PET100: variants seen among roughly 807,000 people sequenced by gnomAD.
The protein encoded by PET100 is protein PET100 homolog, mitochondrial.
PET100 carries 13 observed loss-of-function variants against 13.6 expected under a neutral mutation model. That is an observed-to-expected ratio of 0.96 (90% CI 0.62 to 1.52). PET100 has a LOEUF of 1.52. Among genes scored for constraint, PET100 ranks in the 40% most tolerant of loss-of-function variants. The probability of loss-of-function intolerance (pLI) is 0.00; values close to 1 mark genes in which losing one functional copy is unlikely to be tolerated. For missense variants in PET100, 94 were observed against 95.3 expected, an observed-to-expected ratio of 0.99 and a Z score of 0.06; for synonymous variants, 28 against 30.8, an observed-to-expected ratio of 0.91 and a Z score of 0.30.
chr19:7,630,569 C>A lies in PET100; in HGVS notation c.28-4C>A, dbSNP rs759982742. ...CTCACCTCACCCACCCTCTGCCATT[C>A]CAGATGATAATCTACCTCACTTTCC... On this transcript the variant is annotated splice_region_variant and splice_polypyrimidine_tract_variant and intron_variant, in intron 1 of 3. Coordinates refer to ENST00000594797, the MANE Select transcript of PET100 (RefSeq NM_001171155.2). 2 of 1,536,132 alleles carry A rather than the reference C, an allele frequency of 1.3e-6. No individual in the cohort carries two copies. Among genetic ancestry groups the A allele is most frequent in the South Asian group, 2.4e-5 (2 of 84,040 alleles).
rs11880573 is a variant in PET100 at position 7,630,288 on chromosome 19, C to A, written c.28-285C>A. ...CTTAAGTGGGGATGGGTAATGAGGTCTCGAGGAGATGCTTTTGATTGTAGC... is the reference window on the plus strand; with the variant it reads ...CTTAAGTGGGGATGGGTAATGAGGTATCGAGGAGATGCTTTTGATTGTAGC... On this transcript the variant is annotated intron_variant, in intron 1 of 3. Coordinates refer to ENST00000594797, the MANE Select transcript of PET100 (RefSeq NM_001171155.2). 515 of 516,800 alleles carry A rather than the reference C, an allele frequency of 1.0e-3. 1 individual carries two copies. Among genetic ancestry groups the A allele is most frequent in the African/African-American group, 9.0e-3 (474 of 52,414 alleles). The allele number at this position is 516,800 out of a possible 1,614,324, so 32.0% of individuals were successfully genotyped here.
intron 3 of PET100, 96 bp downstream of exon 3, chr19:7,630,942 G>T: frequency 2.8e-6 from 4 of 1,444,094 alleles, no homozygotes; most frequent in Non-Finnish European, 3.8e-6. Context: ...AGGCGCAGTG[G>T]CTCATGCTTG....
Position 7,629,841 on chromosome 19 carries a change from T to A in PET100, c.8T>A (p.Val3Glu), listed in dbSNP as rs567171903. MG[V>E]KLEIFRMIIY... is the part of the protein sequence containing the mutation. ...TTGACCGGGAGAAACGAGATGGGGG[T>A]GAAGCTGGAGATATTTCGGGTCAGT... Residue 3 changes from valine to glutamate, a missense_variant, in exon 1 of 4, where the codon GTG becomes GAG. Coordinates refer to ENST00000594797, the MANE Select transcript of PET100 (RefSeq NM_001171155.2). The A allele has an allele frequency of 2.6e-6, 4 of 1,535,576 alleles. No homozygotes were observed. Among genetic ancestry groups the A allele is most frequent in the Admixed American group, 2.0e-5 (1 of 50,668 alleles).
chr19:7,629,963 A>C (rs2031237847), intron 1 of PET100, 103 bp downstream of exon 1: 1 of 1,319,010 alleles, frequency 7.6e-7, no homozygotes, highest in Non-Finnish European at 1.0e-6. Context: ...GGGAGCTCCA[A>C]GGAGAAAGCT....
At chr19:7,630,535 T>TG in intron 1 of PET100, 38 bp from the exon 2 acceptor site, 1 of 1,464,052 alleles carries the variant, frequency 6.8e-7, no homozygotes, top group South Asian at 1.2e-5. Context: ...GCACATTGCT[T>TG]GGGGGGAGCT....
intron 3 of PET100, 90 bp downstream of exon 3, chr19:7,630,936 G>A (rs1026780846): frequency 2.9e-5 from 43 of 1,469,248 alleles, no homozygotes; most frequent in Non-Finnish European, 3.8e-5. Context: ...TAGGCCAGGC[G>A]CAGTGGCTCA....
In PET100 at chr19:7,631,494, A is replaced by C. The variant is rs1003505006; in HGVS notation, c.160A>C (p.Lys54Gln). ...PEKLQEIEEF[K>Q]ERLRKRREEK... ...CTAGCTTCAAGAGATAGAGGAATTCAAAGAGAGGTTACGGAAGCGGCGGGA... is the reference window on the plus strand; with the variant it reads ...CTAGCTTCAAGAGATAGAGGAATTCCAAGAGAGGTTACGGAAGCGGCGGGA... The change falls in exon 4 of 4, where the codon AAA (lysine) becomes CAA (glutamine). Residue 54 changes from lysine to glutamine, a missense_variant. Lys to Gln is a moderately conservative substitution (Grantham distance 53, BLOSUM62 1). Coordinates refer to ENST00000594797, the MANE Select transcript of PET100 (RefSeq NM_001171155.2). 1 of 1,536,516 alleles carries C rather than the reference A, an allele frequency of 6.5e-7. No individual in the cohort carries two copies. Among genetic ancestry groups the C allele is most frequent in the Admixed American group, 2.0e-5 (1 of 50,956 alleles).
rs2031277202 is a variant in PET100 at position 7,631,171 on chromosome 19, T to A, written c.139-302T>A. ...TGCAGTGAGCCCAAGATCACGCCAC[T>A]GCACTCCAGCCTGGGCAATAGAGTG... is the stretch of plus-strand genomic sequence containing the variant. On this transcript the variant is annotated intron_variant, in intron 3 of 3. Transcript: ENST00000594797. The A allele has an allele frequency of 5.1e-6, 6 of 1,184,850 alleles. No individual in the cohort carries two copies. In the South Asian group the frequency reaches 1.0e-4, roughly 20 times the overall value. 73.4% of individuals were successfully genotyped at this position (1,184,850 alleles called of 1,614,324 possible).
Position 7,630,427 on chromosome 19 carries a change from G to C in PET100, c.28-146G>C, listed in dbSNP as rs541940076. 6.0e-6 allele frequency: 4 copies of C among 661,508 alleles called. No homozygotes were observed. The Admixed American group carries it at 1.0e-4, about 17-fold the overall frequency. 41.0% of individuals were successfully genotyped at this position (661,508 alleles called of 1,614,324 possible). A position where few individuals can be genotyped will look rare whatever the true frequency, so the allele number is the denominator to read the frequency against. ...TTAGGTTTTAGGGTGCGAGGTTTCTGTACCCTTGGTGGGAGTTCTGGGATT... is the reference window on the plus strand; with the variant it reads ...TTAGGTTTTAGGGTGCGAGGTTTCTCTACCCTTGGTGGGAGTTCTGGGATT... On this transcript the variant is annotated intron_variant, in intron 1 of 3. Transcript: ENST00000594797.
intron 1 of PET100, chr19:7,630,304 T>C (rs919402277): frequency 5.3e-5 from 28 of 529,246 alleles, no homozygotes; most frequent in East Asian, 1.9e-4. Flanking sequence ...GAGATGCTTT[T>C]GATTGTAGCT....
Position 7,631,757 on chromosome 19 carries a change from G to T in PET100, c.*201G>T. ...AAGCCGAGAGCGGTCGGGTCCTGAG[G>T]GGTGAGCAGGGGTTGGGGACTGAGG... On this transcript the variant is annotated 3_prime_UTR_variant, in exon 4 of 4. Transcript: ENST00000594797. 7.0e-7 allele frequency: 1 copy of T among 1,431,882 alleles called. No individual in the cohort carries two copies. The allele number at this position is 1,431,882 out of a possible 1,614,324, so 88.7% of individuals were successfully genotyped here.
chr19:7,631,912 C>T lies in PET100; in HGVS notation c.*356C>T. The T allele has an allele frequency of 3.5e-6, 4 of 1,148,074 alleles. No homozygotes were observed. The highest frequency in any genetic ancestry group is 4.6e-6 in the Non-Finnish European group (4 of 868,966). 71.1% of individuals were successfully genotyped at this position (1,148,074 alleles called of 1,614,324 possible). Reference sequence around the variant, plus strand: ...TGCAGGTAGCCACCGTGTCCCACCTCATTGTGAGCACTGGTCTATGTTTAC... The same window carrying T: ...TGCAGGTAGCCACCGTGTCCCACCTTATTGTGAGCACTGGTCTATGTTTAC... On this transcript the variant is annotated 3_prime_UTR_variant, in exon 4 of 4. Coordinates refer to ENST00000594797, the MANE Select transcript of PET100 (RefSeq NM_001171155.2).
chr19:7,631,737 G>T lies in PET100; in HGVS notation c.*181G>T. 1 of 1,447,938 alleles carries T rather than the reference G, an allele frequency of 6.9e-7. No homozygotes were observed. The highest frequency in any genetic ancestry group is 9.1e-7 in the Non-Finnish European group (1 of 1,098,228). The allele number at this position is 1,447,938 out of a possible 1,614,324, so 89.7% of individuals were successfully genotyped here. A position where few individuals can be genotyped will look rare whatever the true frequency, so the allele number is the denominator to read the frequency against. ...GGGGGCTGCTGTTCCGACGGAAGCC[G>T]AGAGCGGTCGGGTCCTGAGGGGTGA... On this transcript the variant is annotated 3_prime_UTR_variant, in exon 4 of 4. Transcript: ENST00000594797.
chr19:7,629,999 G>A (rs2146192342), intron 1 of PET100, 139 bp downstream of exon 1: 1 of 1,136,714 alleles, frequency 8.8e-7, no homozygotes, highest in Non-Finnish European at 1.2e-6. Flanking sequence ...GAACCTTTCT[G>A]GTTGGAAATC....
intron 3 of PET100, chr19:7,631,258 G>A (rs2031281615): frequency 1.4e-6 from 2 of 1,414,384 alleles, no homozygotes; most frequent in Non-Finnish European, 1.8e-6. Flanking sequence ...GAGAGCAGAG[G>A]AGTAGATGGT....
chr19:7,631,110 AG>A, intron 3 of PET100: 1 of 764,026 alleles, frequency 1.3e-6, no homozygotes, highest in Non-Finnish European at 2.0e-6. Context: ...TGGGAGGCTG[AG>A]GGAGAAGAAT....
intron 1 of PET100, 157 bp downstream of exon 1, chr19:7,630,017 G>T: frequency 3.1e-6 from 3 of 956,086 alleles, no homozygotes; most frequent in Non-Finnish European, 4.4e-6. Flanking sequence ...ATCCAGGAGA[G>T]GGGACGCTGG....
rs1379976331 is a variant in PET100, at chr19:7,629,799, G to C, written c.-35G>C. On this transcript the variant is annotated 5_prime_UTR_variant, in exon 1 of 4. Transcript: ENST00000594797. ...TCTGTCTTGCTGGAGGGTCGGCTTTGGGCGGAACTGGCTTTGTTGACCGGG... is the reference window on the plus strand; with the variant it reads ...TCTGTCTTGCTGGAGGGTCGGCTTTCGGCGGAACTGGCTTTGTTGACCGGG... 4 of 1,536,916 alleles carry C rather than the reference G, an allele frequency of 2.6e-6. No individual in the cohort carries two copies. The East Asian group carries it at 9.8e-5, about 38-fold the overall frequency.
chr19:7,631,276 T>A, intron 3 of PET100, 197 bp from the exon 4 acceptor site: 1 of 1,413,690 alleles, frequency 7.1e-7, no homozygotes, highest in South Asian at 1.6e-5. Flanking sequence ...GGTTTCCTTA[T>A]TGCCTTCTCC....
Sources: gnomAD v4.1 joint callset for allele counts on GRCh38, gnomAD v4.1.1 for gene constraint, MANE v1.5 for transcripts, NCBI Gene and HGNC (gene_info 2026-07-23, HGNC 2026-07-21) for gene names.